The following FRZB variants were observed in gnomAD, a reference collection of about 807,000 sequenced individuals.
FRZB encodes frizzled related protein.
In FRZB, 34 loss-of-function variants were observed where a neutral mutation model predicts 32.5. That is an observed-to-expected ratio of 1.05 (90% CI 0.80 to 1.39). FRZB has a LOEUF of 1.39. FRZB is among the 40% of genes most tolerant of loss of function. The probability of loss-of-function intolerance (pLI) is 0.00; values close to 1 mark genes in which losing one functional copy is unlikely to be tolerated. For missense variants in FRZB, 423 were observed against 424.8 expected (o/e 1.00, Z 0.04); for synonymous variants, 170 against 159.2 (o/e 1.07, Z -0.51).
Position 182,849,227 on chromosome 2 carries a change from AAAATAAATAAATAAATAAATAAATAAAT to A in FRZB, c.527-6712_527-6685del, listed in dbSNP as rs61703753. ...GGGCGACAGAGCAAGACTCCGTCTC[AAAATAAATAAATAAATAAATAAATAAAT>A]AAATAAATAAATAAATAAATAAATG... On this transcript the variant is annotated intron_variant, in intron 2 of 5. Coordinates refer to ENST00000295113, the MANE Select transcript of FRZB (RefSeq NM_001463.4). Among the ~76,000 whole-genome samples the A allele has an allele frequency of 1.9e-4, 28 of 146,546 alleles. 1 individual carries two copies. Among genetic ancestry groups the A allele is most frequent in the Non-Finnish European group, 1.3e-4 (9 of 67,176 alleles).
Position 182,866,146 on chromosome 2 carries a change from C to T in FRZB, c.407G>A (p.Cys136Tyr). 1 of 1,614,138 alleles carries T rather than the reference C, an allele frequency of 6.2e-7. No individual in the cohort carries two copies. Among genetic ancestry groups the T allele is most frequent in the Non-Finnish European group, 8.5e-7 (1 of 1,180,018 alleles). ...YRHSWPENLA[C>Y]EELPVYDRGV... The stretch of plus-strand genomic sequence containing the variant: ...CCTGTCGTACACTGGCAGCTCCTCG[C>T]AGGCCAGGTTCTCCGGCCACGAGTG... The change falls in exon 1 of 6, where the codon TGC (cysteine) becomes TAC (tyrosine). Residue 136 changes from cysteine to tyrosine, a missense_variant. By Grantham distance (194) the Cys-to-Tyr change is radical. Coordinates refer to ENST00000295113, the MANE Select transcript of FRZB (RefSeq NM_001463.4). The surrounding 1 kb of genome is among the most constrained non-coding windows in gnomAD (Gnocchi z 4.5).
At chr2:182,845,052 C>T (rs759575625) in intron 2 of FRZB, among the ~76,000 whole-genome samples, 6 of 152,084 alleles carry the variant, frequency 3.9e-5, no homozygotes, top group Non-Finnish European at 8.8e-5. Flanking sequence ...ATCCACAAAG[C>T]TCAAATATGA....
chr2:182,859,180 C>G (rs533601495), intron 1 of FRZB, among the ~76,000 whole-genome samples: 1 of 151,944 alleles, frequency 6.6e-6, no homozygotes, highest in East Asian at 1.9e-4. Flanking sequence ...ACACTTATGA[C>G]TTGATGACAA....
chr2:182,851,410 C>G (rs1695708942), intron 2 of FRZB, among the ~76,000 whole-genome samples: 2 of 152,204 alleles, frequency 1.3e-5, no homozygotes, highest in Admixed American at 6.5e-5. Context: ...AATCCCAGCA[C>G]TCTGGGAGGC....
Position 182,838,096 on chromosome 2 carries a change from G to A in FRZB, c.798-85C>T, listed in dbSNP as rs550643923. 4.5e-5 allele frequency: 47 copies of A among 1,042,578 alleles called. No homozygotes were observed. In the African/African-American group the frequency reaches 6.9e-4, roughly 15 times the overall value. The allele number at this position is 1,042,578 out of a possible 1,614,324, so 64.6% of individuals were successfully genotyped here. On this transcript the variant is annotated intron_variant, in intron 4 of 5. Transcript: ENST00000295113. ...AAGGAAACAGTACTTGAACAAGAAA[G>A]ACTTATATGTTTATTCTTGAATAGG...
intron 1 of FRZB, among the ~76,000 whole-genome samples, chr2:182,861,064 C>T (rs1695826886): frequency 6.6e-6 from 1 of 152,068 alleles, no homozygotes; most frequent in South Asian, 2.1e-4. Context: ...CTCAAAATTG[C>T]AGTGAAGTCA....
At chr2:182,849,830 A>C (rs1695690188) in intron 2 of FRZB, among the ~76,000 whole-genome samples, 1 of 152,236 alleles carries the variant, frequency 6.6e-6, no homozygotes, top group Admixed American at 6.5e-5. Context: ...TCTGCATCCA[A>C]GAGTTATTCA....
Position 182,833,972 on chromosome 2 carries a change from G to A in FRZB, c.*877C>T, listed in dbSNP as rs895022429. On this transcript the variant is annotated 3_prime_UTR_variant, in exon 6 of 6. Transcript: ENST00000295113. ...TACATAATCTTTTCCTGGTCAATAC[G>A]GCAATTCTGATTTATTTTAAAAGAA... 8 of 151,610 alleles carry A rather than the reference G, an allele frequency of 5.3e-5. No homozygotes were observed. Among genetic ancestry groups the A allele is most frequent in the African/African-American group, 1.7e-4 (7 of 41,168 alleles). 9.4% of individuals were successfully genotyped at this position (151,610 alleles called of 1,614,324 possible). A position where few individuals can be genotyped will look rare whatever the true frequency, so the allele number is the denominator to read the frequency against.
rs200889851 is a variant in FRZB at position 182,838,584 on chromosome 2, T to C, written c.622A>G (p.Thr208Ala). 60 of 1,612,588 alleles carry C rather than the reference T, an allele frequency of 3.7e-5. No homozygotes were observed. The highest frequency in any genetic ancestry group is 4.5e-5 in the Non-Finnish European group (53 of 1,179,022). ...VIRAKVKEIK[T>A]KCHDVTAVVE... is the part of the protein sequence containing the mutation. ...ACTGCAGTCACATCATGGCACTTAG[T>C]CTTTATCTCTTTAACTTTAGCCCGA... Residue 208 changes from threonine to alanine, a missense_variant, in exon 4 of 6, where the codon ACT (threonine) becomes GCT (alanine). Thr to Ala is a moderately conservative substitution (Grantham distance 58, BLOSUM62 0). Transcript: ENST00000295113.
intron 2 of FRZB, among the ~76,000 whole-genome samples, chr2:182,844,739 A>T (rs2105755285): frequency 6.6e-6 from 1 of 152,280 alleles, no homozygotes; most frequent in Middle Eastern, 3.4e-3. Flanking sequence ...TTATATTACA[A>T]AATGATTTAG....
At chr2:182,849,833 G>T (rs984307530) in intron 2 of FRZB, among the ~76,000 whole-genome samples, 3 of 152,202 alleles carry the variant, frequency 2.0e-5, no homozygotes, top group African/African-American at 7.2e-5. Flanking sequence ...GCATCCAAGA[G>T]TTATTCAGAA....
In FRZB at chr2:182,863,625, T is replaced by C. The variant is rs115470387; in HGVS notation, c.478+2450A>G. ...TATTCAGGGAGACCTCATTTTTATATCTAGTTGGACAGATACTAGTCAAAA... is the reference window on the plus strand; with the variant it reads ...TATTCAGGGAGACCTCATTTTTATACCTAGTTGGACAGATACTAGTCAAAA... On this transcript the variant is annotated intron_variant, in intron 1 of 5. Coordinates refer to ENST00000295113, the MANE Select transcript of FRZB (RefSeq NM_001463.4). 9.5e-3 allele frequency among the ~76,000 whole-genome samples: 1,442 copies of C among 152,298 alleles called. 27 individuals carry two copies. Among genetic ancestry groups the C allele is most frequent in the African/African-American group, 0.032 (1,345 of 41,558 alleles).
At chr2:182,858,393 C>A (rs1695794056) in intron 2 of FRZB, among the ~76,000 whole-genome samples, 1 of 152,094 alleles carries the variant, frequency 6.6e-6, no homozygotes, top group Non-Finnish European at 1.5e-5. Context: ...TCTATATGGA[C>A]AATCGAACCT....
In FRZB at chr2:182,863,393, C is replaced by G. The variant is rs118115388; in HGVS notation, c.478+2682G>C. On this transcript the variant is annotated intron_variant, in intron 1 of 5. Transcript: ENST00000295113. The stretch of plus-strand genomic sequence containing the variant: ...TGAATAATAATGGTCAGGATGGAAC[C>G]CGTTCTTTTCAAAAATATGATTACC... Among the ~76,000 whole-genome samples, 558 of 152,260 alleles carry G rather than the reference C, an allele frequency of 3.7e-3. 6 individuals are homozygous for G. The highest frequency in any genetic ancestry group is 0.036 in the East Asian group (186 of 5,194).
chr2:182,838,384 TCTGTATC>T lies in FRZB; in HGVS notation c.797+18_797+24del, dbSNP rs778822353. On this transcript the variant is annotated intron_variant, in intron 4 of 5. Transcript: ENST00000295113. ...AGAGTAGGATAAGCAAAGTAGTTAT[TCTGTATC>T]CTTAAAGAGTGAATTACCTGGAACG... 2.1e-5 allele frequency: 33 copies of T among 1,568,124 alleles called. No individual in the cohort carries two copies. The highest frequency in any genetic ancestry group is 4.1e-5 in the African/African-American group (3 of 73,878).
At chr2:182,857,616 C>CA (rs769804358) in intron 2 of FRZB, among the ~76,000 whole-genome samples, 1,808 of 88,718 alleles carry the variant, frequency 0.02, 26 homozygotes, top group African/African-American at 0.055. Context: ...GACTCCATCT[C>CA]AAAAAAAAAA....
chr2:182,855,183 T>A (rs976059114), intron 2 of FRZB, among the ~76,000 whole-genome samples: 1 of 151,990 alleles, frequency 6.6e-6, no homozygotes, highest in African/African-American at 2.4e-5. Context: ...TTGCTAAAAT[T>A]AAAAAAAGAA....
chr2:182,863,417 C>T (rs117057830), intron 1 of FRZB, among the ~76,000 whole-genome samples: 1 of 152,146 alleles, frequency 6.6e-6, no homozygotes, highest in African/African-American at 2.4e-5. Flanking sequence ...AATATGATTA[C>T]CCTTAGTATT....
intron 1 of FRZB, among the ~76,000 whole-genome samples, chr2:182,863,958 C>T (rs1347712653): frequency 1.3e-5 from 2 of 152,162 alleles, no homozygotes; most frequent in Non-Finnish European, 2.9e-5. Context: ...CACACTGAAG[C>T]TTATGGAAGG....
Sources: allele counts gnomAD v4.1 joint callset (sites outside exome capture counted in the v4.1 genomes callset), GRCh38; gene constraint gnomAD v4.1.1; non-coding constraint Gnocchi (gnomAD v3.1); transcripts MANE v1.5; gene names NCBI Gene and HGNC (gene_info 2026-07-23, HGNC 2026-07-21).